The following NUBPL variants were observed in gnomAD, a reference collection of about 807,000 sequenced individuals.
NUBPL encodes NUBP iron-sulfur cluster assembly factor, mitochondrial.
NUBPL carries 31 observed loss-of-function variants against 45.7 expected under a neutral mutation model. That is an observed-to-expected ratio of 0.68 (90% CI 0.51 to 0.92). The LOEUF (loss-of-function observed/expected upper bound fraction) is 0.92. NUBPL is among the 40% of genes least tolerant of loss of function. The pLI, the probability that NUBPL is intolerant of heterozygous loss-of-function variation, is 0.00. For missense variants in NUBPL, 401 were observed against 398.7 expected, an observed-to-expected ratio of 1.01 and a Z score of -0.05; for synonymous variants, 144 against 140.9, an observed-to-expected ratio of 1.02 and a Z score of -0.15.
intron 7 of NUBPL, among the ~76,000 whole-genome samples, chr14:31,805,107 G>C (rs1003331959): frequency 2.6e-5 from 4 of 151,854 alleles, no homozygotes; most frequent in Non-Finnish European, 4.4e-5. Context: ...CAAAGGACAC[G>C]AACAGACACT....
chr14:31,672,229 AC>A (rs1358326534), intron 4 of NUBPL, among the ~76,000 whole-genome samples: 1 of 151,950 alleles, frequency 6.6e-6, no homozygotes, highest in African/African-American at 2.4e-5. Flanking sequence ...AAGTAAAGGA[AC>A]AAATAAGTAG....
chr14:31,634,490 G>T (rs1421906695), intron 4 of NUBPL, among the ~76,000 whole-genome samples: 1 of 151,852 alleles, frequency 6.6e-6, no homozygotes, highest in Non-Finnish European at 1.5e-5. Flanking sequence ...GTCTATCATT[G>T]TTGGACATTT....
In NUBPL at chr14:31,790,510, A is replaced by C. The variant is rs543111069; in HGVS notation, c.607+2637A>C. Reference sequence around the variant, plus strand: ...TGTTGTGCAGCCATCACTACTGTCCATCACCAGAGCCTTCATCTTCTCAAA... The same window carrying C: ...TGTTGTGCAGCCATCACTACTGTCCCTCACCAGAGCCTTCATCTTCTCAAA... On this transcript the variant is annotated intron_variant, in intron 7 of 10. Coordinates refer to ENST00000281081, the MANE Select transcript of NUBPL (RefSeq NM_025152.3). Among the ~76,000 whole-genome samples, 41 of 152,316 alleles carry C rather than the reference A, an allele frequency of 2.7e-4. 1 individual carries two copies. In the South Asian group the frequency reaches 7.9e-3, roughly 29 times the overall value.
chr14:31,640,803 A>G (rs777639508), intron 4 of NUBPL, among the ~76,000 whole-genome samples: 1 of 152,154 alleles, frequency 6.6e-6, no homozygotes, highest in Non-Finnish European at 1.5e-5. Flanking sequence ...AATCAGGGTA[A>G]TGGGGACATC....
At chr14:31,567,094 TA>T (rs1252892421) in intron 3 of NUBPL, among the ~76,000 whole-genome samples, 12 of 152,226 alleles carry the variant, frequency 7.9e-5, no homozygotes, top group South Asian at 4.1e-4. Flanking sequence ...ATAGCTTAAC[TA>T]GATTCTAGTT....
intron 6 of NUBPL, among the ~76,000 whole-genome samples, chr14:31,730,316 G>A (rs190351058): frequency 6.6e-6 from 1 of 152,208 alleles, no homozygotes; most frequent in East Asian, 1.9e-4. Flanking sequence ...GTCAAAATCT[G>A]GAGTTGGCCA....
chr14:31,771,067 A>C (rs1440430001), intron 6 of NUBPL, among the ~76,000 whole-genome samples: 1 of 152,174 alleles, frequency 6.6e-6, no homozygotes, highest in Non-Finnish European at 1.5e-5. Flanking sequence ...TTTGATTTAA[A>C]TGATTACTCC....
At chr14:31,826,303 T>C (rs551788170) in intron 7 of NUBPL, among the ~76,000 whole-genome samples, 74 of 152,054 alleles carry the variant, frequency 4.9e-4, no homozygotes, top group African/African-American at 1.4e-3. Context: ...GTATTTTTAG[T>C]AGTTACAGGG....
chr14:31,835,891 C>A (rs981227074), intron 8 of NUBPL, among the ~76,000 whole-genome samples: 3 of 152,130 alleles, frequency 2.0e-5, no homozygotes, highest in African/African-American at 7.2e-5. Flanking sequence ...CATTATTTAA[C>A]AATGAATTTT....
chr14:31,758,541 A>G (rs1048335570), intron 6 of NUBPL, among the ~76,000 whole-genome samples: 3 of 152,138 alleles, frequency 2.0e-5, no homozygotes, highest in East Asian at 1.9e-4. Context: ...GCTGTTTTTT[A>G]TATCCAGATA....
chr14:31,765,515 T>C (rs1165690030), intron 6 of NUBPL, among the ~76,000 whole-genome samples: 3 of 152,210 alleles, frequency 2.0e-5, no homozygotes, highest in African/African-American at 7.2e-5. Context: ...TTCTAGGTGC[T>C]GAGGACTTGT....
At chr14:31,681,956 A>G (rs2036844382) in intron 6 of NUBPL, among the ~76,000 whole-genome samples, 1 of 152,160 alleles carries the variant, frequency 6.6e-6, no homozygotes, top group South Asian at 2.1e-4. Context: ...CCAGCATGCG[A>G]TCCATCTTTG....
At chr14:31,856,190 T>C (rs936750090) in intron 10 of NUBPL, among the ~76,000 whole-genome samples, 1 of 152,126 alleles carries the variant, frequency 6.6e-6, no homozygotes, top group Non-Finnish European at 1.5e-5. Flanking sequence ...GAACAAGTCA[T>C]GTCTTACATG....
intron 8 of NUBPL, among the ~76,000 whole-genome samples, chr14:31,837,926 C>G (rs531803831): frequency 2.5e-4 from 38 of 152,228 alleles, no homozygotes; most frequent in African/African-American, 8.9e-4. Context: ...TTCACTGTCT[C>G]TGAACAAAGA....
At chr14:31,785,137 A>G (rs2039261748) in intron 6 of NUBPL, among the ~76,000 whole-genome samples, 1 of 152,198 alleles carries the variant, frequency 6.6e-6, no homozygotes, top group African/African-American at 2.4e-5. Context: ...AAAGAGATTC[A>G]AATAAATTCT....
intron 4 of NUBPL, among the ~76,000 whole-genome samples, chr14:31,632,076 A>G (rs1210034861): frequency 6.6e-6 from 1 of 152,170 alleles, no homozygotes; most frequent in Non-Finnish European, 1.5e-5. Context: ...ATTAATCTCA[A>G]TCTCATTTTG....
At chr14:31,637,216 G>A (rs549424028) in intron 4 of NUBPL, among the ~76,000 whole-genome samples, 26 of 152,214 alleles carry the variant, frequency 1.7e-4, no homozygotes, top group African/African-American at 6.0e-4. Flanking sequence ...GCTTTCTCTT[G>A]TGGGCATTTA....
intron 7 of NUBPL, among the ~76,000 whole-genome samples, chr14:31,801,635 A>G (rs1020305833): frequency 3.9e-5 from 6 of 152,224 alleles, no homozygotes; most frequent in Non-Finnish European, 8.8e-5. Context: ...ATGGGGAGTA[A>G]TAGATGGAAG....
chr14:31,567,657 G>A (rs1333744053), intron 3 of NUBPL, among the ~76,000 whole-genome samples: 3 of 152,016 alleles, frequency 2.0e-5, no homozygotes, highest in Non-Finnish European at 4.4e-5. Flanking sequence ...CCAAAAAAAA[G>A]GTTGTACCAT....
Sources: allele counts gnomAD v4.1 joint callset (sites outside exome capture counted in the v4.1 genomes callset), GRCh38; gene constraint gnomAD v4.1.1; transcripts MANE v1.5; gene names NCBI Gene and HGNC (gene_info 2026-07-23, HGNC 2026-07-21).